The following DCAF8 variants were observed in gnomAD, a reference collection of about 807,000 sequenced individuals.
DCAF8 encodes DDB1 and CUL4 associated factor 8, also known as DDB1- and CUL4-associated factor 8.
Under a neutral mutation model 68.0 loss-of-function variants are expected in DCAF8, and 20 were observed. That is an observed-to-expected ratio of 0.29 (90% CI 0.21 to 0.43). The LOEUF (loss-of-function observed/expected upper bound fraction) is 0.43. DCAF8 is among the 20% of genes least tolerant of loss of function. The pLI is 1.00. For synonymous variants in DCAF8, 230 were observed against 276.9 expected (o/e 0.83, Z 1.68); for missense variants, 460 against 771.0 (o/e 0.60, Z 4.78).
At chr1:160,255,233 C>A (rs1399926262) in intron 2 of DCAF8, among the ~76,000 whole-genome samples, 2 of 152,222 alleles carry the variant, frequency 1.3e-5, no homozygotes, top group Non-Finnish European at 2.9e-5. Context: ...GTAAGACAAT[C>A]TACCCAGGAA....
rs372153623 is a variant in DCAF8, at chr1:160,216,144, A to G, written c.*1448T>C. The G allele has an allele frequency of 9.2e-5, 14 of 152,252 alleles. No homozygotes were observed. In the East Asian group the frequency reaches 2.5e-3, roughly 27 times the overall value. The allele number at this position is 152,252 out of a possible 1,614,324, so 9.4% of individuals were successfully genotyped here. A position where few individuals can be genotyped will look rare whatever the true frequency, so the allele number is the denominator to read the frequency against. On this transcript the variant is annotated 3_prime_UTR_variant, in exon 14 of 14. Transcript: ENST00000368074. ...ACTGTAATCAGTCCTTAGATTAATG[A>G]CTTATTCCTCAATCCTAAAATATCA...
At chr1:160,238,970 G>C (rs1464303690) in intron 4 of DCAF8, 3 of 575,980 alleles carry the variant, frequency 5.2e-6, no homozygotes, top group Non-Finnish European at 8.1e-6. Context: ...ATTTCAGTTG[G>C]CTCTGGAAGA....
At position 160,254,437 on chromosome 1, in the gene DCAF8, A is replaced by C. The variant is rs77364457; in HGVS notation, c.-27+6848T>G. On this transcript the variant is annotated intron_variant, in intron 2 of 13. Coordinates refer to ENST00000368074, the MANE Select transcript of DCAF8 (RefSeq NM_015726.4). ...ACTGTCATTTGAATAATTTATATAC[A>C]TATGTTTATAAGAAATATTTAATTC... is the stretch of plus-strand genomic sequence containing the variant. 4.2e-3 allele frequency among the ~76,000 whole-genome samples: 642 copies of C among 152,296 alleles called. 2 individuals are homozygous for C. Among genetic ancestry groups the C allele is most frequent in the Middle Eastern group, 6.8e-3 (2 of 292 alleles).
intron 7 of DCAF8, among the ~76,000 whole-genome samples, chr1:160,226,717 C>T (rs1431369188): frequency 6.6e-6 from 1 of 152,202 alleles, no homozygotes. Flanking sequence ...TACAGTTACA[C>T]TACTGAAAAG....
intron 1 of DCAF8, 60 bp downstream of exon 1, chr1:160,262,389 C>T (rs1657141371): frequency 2.5e-6 from 1 of 399,746 alleles, no homozygotes. Context: ...GCGGCTGCTC[C>T]GACTGTTCCA....
chr1:160,222,661 T>C lies in DCAF8; in HGVS notation c.1430A>G (p.Lys477Arg), dbSNP rs755879191. 9.9e-5 allele frequency: 160 copies of C among 1,613,998 alleles called. No individual in the cohort carries two copies. The highest frequency in any genetic ancestry group is 1.3e-4 in the Non-Finnish European group (156 of 1,180,000). Reference protein sequence around the residue: ...CQIIQFMEGDKGGVVNCLEPH... With the variant: ...CQIIQFMEGDRGGVVNCLEPH... ...GCACACCATACTCACCACGCCTCCCTTGTCCCCCTCCATGAACTGAATAAT... is the reference window on the plus strand; with the variant it reads ...GCACACCATACTCACCACGCCTCCCCTGTCCCCCTCCATGAACTGAATAAT... The change falls in exon 11 of 14, where the codon AAG becomes AGG. Residue 477 changes from lysine to arginine, a missense_variant. Physicochemically the swap from Lys to Arg is conservative, Grantham distance 26. Coordinates refer to ENST00000368074, the MANE Select transcript of DCAF8 (RefSeq NM_015726.4).
Position 160,243,997 on chromosome 1 carries a change from T to C in DCAF8, c.12A>G (p.Lys4=), listed in dbSNP as rs1415727667. Reference sequence around the variant, plus strand: ...CTGTTCTGCCATCTGTGCTGCTCCCTTTGCTGGACATCTTGAATGATGTTT... The same window carrying C: ...CTGTTCTGCCATCTGTGCTGCTCCCCTTGCTGGACATCTTGAATGATGTTT... MSS[K]GSSTDGRTDL... Residue 4 remains lysine, a synonymous_variant, in exon 3 of 14, where the codon AAA becomes AAG. Coordinates refer to ENST00000368074, the MANE Select transcript of DCAF8 (RefSeq NM_015726.4). 2 of 1,614,036 alleles carry C rather than the reference T, an allele frequency of 1.2e-6. No homozygotes were observed. Among genetic ancestry groups the C allele is most frequent in the Admixed American group, 1.7e-5 (1 of 59,994 alleles).
Position 160,216,819 on chromosome 1 carries a change from CCAAA to C in DCAF8, c.*769_*772del, listed in dbSNP as rs1655133765. ...GATAGGGACAGGGAGATTGCTGCCA[CCAAA>C]CAATGTTTCTTAAAAAAATAACAGA... On this transcript the variant is annotated 3_prime_UTR_variant, in exon 14 of 14. Transcript: ENST00000368074. 6.6e-6 allele frequency: 1 copy of C among 152,562 alleles called. No individual in the cohort carries two copies. The highest frequency in any genetic ancestry group is 1.5e-5 in the Non-Finnish European group (1 of 68,036). The allele number at this position is 152,562 out of a possible 1,614,324, so 9.5% of individuals were successfully genotyped here.
At chr1:160,246,217 T>C (rs746756298) in intron 2 of DCAF8, among the ~76,000 whole-genome samples, 1 of 152,062 alleles carries the variant, frequency 6.6e-6, no homozygotes, top group African/African-American at 2.4e-5. Flanking sequence ...AGATCTGATG[T>C]TTTCCCACCT....
intron 6 of DCAF8, among the ~76,000 whole-genome samples, chr1:160,232,338 C>G (rs1655720763): frequency 6.6e-6 from 1 of 152,012 alleles, no homozygotes; most frequent in South Asian, 2.1e-4. Context: ...AAGACCCCAT[C>G]TCTATAAAAA....
chr1:160,238,743 T>G lies in DCAF8; in HGVS notation c.728A>C (p.Lys243Thr), dbSNP rs1468877825. The G allele has an allele frequency of 6.2e-7, 1 of 1,607,058 alleles. No homozygotes were observed. The highest frequency in any genetic ancestry group is 8.5e-7 in the Non-Finnish European group (1 of 1,177,450). Residue 243 changes from lysine (K) to threonine (T), a missense_variant, in exon 5 of 14, where the codon AAG (lysine) becomes ACG (threonine). Physicochemically the swap from Lys to Thr is moderately conservative, Grantham distance 78. Coordinates refer to ENST00000368074, the MANE Select transcript of DCAF8 (RefSeq NM_015726.4). ...AGAATCACCACTGTTAGGAAGAAAC[T>G]TGGCCTGGGGTGTTAAAAATGAAAA... ...SGHKSNVFQA[K>T]FLPNSGDSTL...
Position 160,239,970 on chromosome 1 carries a change from A to C in DCAF8, c.450T>G (p.Pro150=), listed in dbSNP as rs368013453. The C allele has an allele frequency of 3.0e-5, 49 of 1,614,104 alleles. No individual in the cohort carries two copies. Among genetic ancestry groups the C allele is most frequent in the Non-Finnish European group, 4.2e-5 (49 of 1,180,042 alleles). Residue 150 remains proline (P), a synonymous_variant, in exon 4 of 14, where the codon CCT becomes CCG. Coordinates refer to ENST00000368074, the MANE Select transcript of DCAF8 (RefSeq NM_015726.4). ...VSSETSALPR[P]RWQALPALRE... is the part of the protein sequence containing the mutation. Reference sequence around the variant, plus strand: ...GAAGGGCAGGGAGGGCTTGCCAGCGAGGTCGGGGTAGAGCTGATGTTTCTG... The same window carrying C: ...GAAGGGCAGGGAGGGCTTGCCAGCGCGGTCGGGGTAGAGCTGATGTTTCTG...
rs1198899762 is a variant in DCAF8 at position 160,240,218 on chromosome 1, C to T, written c.202G>A (p.Asp68Asn). The change falls in exon 4 of 14, where the codon GAC becomes AAC. Residue 68 changes from aspartate to asparagine, a missense_variant. Transcript: ENST00000368074. ...NRTSTESRGT[D>N]TESSGEDKDS... ...TTATCTTCACCTGAGCTCTCTGTGT[C>T]TGTGCCTCGACTTTCTGTGCTGGTG... The T allele has an allele frequency of 2.5e-6, 4 of 1,614,012 alleles. No homozygotes were observed. The African/African-American group carries it at 4.0e-5, about 16-fold the overall frequency.
chr1:160,217,796 GC>G, intron 13 of DCAF8, 88 bp from the exon 14 acceptor site: 1 of 1,022,726 alleles, frequency 9.8e-7, no homozygotes, highest in Non-Finnish European at 1.5e-6. Flanking sequence ...GATGCTTTAG[GC>G]CAGAGATCAG....
At chr1:160,253,752 A>G (rs1319811602) in intron 2 of DCAF8, among the ~76,000 whole-genome samples, 1 of 150,688 alleles carries the variant, frequency 6.6e-6, no homozygotes, top group Non-Finnish European at 1.5e-5. Context: ...CTGGAGTCCC[A>G]GAGGTCGAGA....
At chr1:160,238,466 T>C in intron 5 of DCAF8, 141 bp downstream of exon 5, 5 of 989,792 alleles carry the variant, frequency 5.1e-6, no homozygotes, top group Non-Finnish European at 7.1e-6. Flanking sequence ...GCTCCTTTCT[T>C]AACCACAAAT....
intron 3 of DCAF8, among the ~76,000 whole-genome samples, chr1:160,241,941 A>G (rs1453796154): frequency 6.6e-6 from 1 of 152,218 alleles, no homozygotes; most frequent in East Asian, 1.9e-4. Context: ...GAAGCCCAGA[A>G]GACATAAACA....
intron 2 of DCAF8, among the ~76,000 whole-genome samples, chr1:160,252,146 A>G (rs1656623470): frequency 6.6e-6 from 1 of 152,156 alleles, no homozygotes; most frequent in African/African-American, 2.4e-5. Flanking sequence ...GTAAGCAAAC[A>G]TGCTGTTACA....
In DCAF8 at chr1:160,262,484, C is replaced by A; in HGVS notation, c.-136G>T. ...GGCCGCCACCACCACCGCCTCCGCT[C>A]TCTGCGCTTGCGCCTGCGCTGCCAC... On this transcript the variant is annotated 5_prime_UTR_variant, in exon 1 of 14. Coordinates refer to ENST00000368074, the MANE Select transcript of DCAF8 (RefSeq NM_015726.4). 2.5e-6 allele frequency: 1 copy of A among 401,004 alleles called. No individual in the cohort carries two copies. The highest frequency in any genetic ancestry group is 1.3e-4 in the South Asian group (1 of 7,926). 24.8% of individuals were successfully genotyped at this position (401,004 alleles called of 1,614,324 possible). A position where few individuals can be genotyped will look rare whatever the true frequency, so the allele number is the denominator to read the frequency against.
Sources: allele counts gnomAD v4.1 joint callset (sites outside exome capture counted in the v4.1 genomes callset), GRCh38; gene constraint gnomAD v4.1.1; transcripts MANE v1.5; gene names NCBI Gene and HGNC (gene_info 2026-07-23, HGNC 2026-07-21).